CSMD1: variants seen among roughly 807,000 people sequenced by gnomAD.
CSMD1 encodes CUB and sushi domain-containing protein 1.
In CSMD1, 213 loss-of-function variants were observed where a neutral mutation model predicts 417.5. That is an observed-to-expected ratio of 0.51 (90% CI 0.46 to 0.57). The LOEUF (loss-of-function observed/expected upper bound fraction) is 0.57, where lower values mean the gene tolerates loss of function less well. CSMD1 is among the 20% of genes least tolerant of loss of function. CSMD1 has a pLI of 0.00. For synonymous variants in CSMD1, 2,862 were observed against 1,736.8 expected (o/e 1.65, Z -16.11); for missense variants, 6,923 against 4,529.7 (o/e 1.53, Z -15.17).
intron 68 of CSMD1, among the ~76,000 whole-genome samples, chr8:2,948,893 T>G (rs2128917915): frequency 6.6e-6 from 1 of 152,072 alleles, no homozygotes. Context: ...TCATCTTTGT[T>G]ACTATATAAA....
intron 3 of CSMD1, among the ~76,000 whole-genome samples, chr8:4,240,628 AT>A: frequency 6.6e-6 from 1 of 152,262 alleles, no homozygotes; most frequent in Non-Finnish European, 1.5e-5. Context: ...ATCCAATCTC[AT>A]TCCCAGTGCC....
At chr8:4,175,398 C>T (rs575309524) in intron 3 of CSMD1, among the ~76,000 whole-genome samples, 5 of 152,202 alleles carry the variant, frequency 3.3e-5, no homozygotes, top group South Asian at 2.1e-4. Context: ...CTCTTACCTG[C>T]GCTATACTTT....
chr8:3,461,635 C>G (rs962700317), intron 12 of CSMD1, among the ~76,000 whole-genome samples: 1 of 152,202 alleles, frequency 6.6e-6, no homozygotes, highest in Non-Finnish European at 1.5e-5. Context: ...CCCTGTGGCC[C>G]AGCATCTTCC....
At chr8:3,983,357 C>G (rs1028686944) in intron 5 of CSMD1, among the ~76,000 whole-genome samples, 1 of 152,030 alleles carries the variant, frequency 6.6e-6, no homozygotes, top group African/African-American at 2.4e-5. Flanking sequence ...GTCTCCATCT[C>G]CTGACCTCGT....
At chr8:4,371,530 C>G (rs992762298) in intron 3 of CSMD1, among the ~76,000 whole-genome samples, 1 of 152,106 alleles carries the variant, frequency 6.6e-6, no homozygotes, top group Non-Finnish European at 1.5e-5. Flanking sequence ...TGCAAAGAGA[C>G]AATATCGTTA....
At chr8:4,543,391 C>T (rs910752566) in intron 2 of CSMD1, among the ~76,000 whole-genome samples, 4 of 152,072 alleles carry the variant, frequency 2.6e-5, no homozygotes, top group Non-Finnish European at 5.9e-5. Flanking sequence ...TGGAATTATA[C>T]AGTTTGTAGC....
At chr8:3,182,578 C>CTGTGTGTGTGTGTG (rs35090952) in intron 36 of CSMD1, among the ~76,000 whole-genome samples, 27 of 94,180 alleles carry the variant, frequency 2.9e-4, no homozygotes, top group Admixed American at 4.3e-4. Flanking sequence ...TTATAAGAAG[C>CTGTGTGTGTGTGTG]TGTGTGTGTG....
rs34060531 is a variant in CSMD1, at chr8:3,119,384, TAAAA to T, written c.6242-801_6242-798del. ...CATTGCAGTTTTTTTAGTCTTTTTCTAAAAAAAAAAAAAAAAAAAAAAAAAAAAC... is the reference window on the plus strand; with the variant it reads ...CATTGCAGTTTTTTTAGTCTTTTTCTAAAAAAAAAAAAAAAAAAAAAAAAC... On this transcript the variant is annotated intron_variant, in intron 41 of 69. Transcript: ENST00000635120. Among the ~76,000 whole-genome samples, 130 of 88,260 alleles carry T rather than the reference TAAAA, an allele frequency of 1.5e-3. 1 individual carries two copies. Among genetic ancestry groups the T allele is most frequent in the African/African-American group, 4.4e-3 (121 of 27,446 alleles). The allele number at this position is 88,260 out of a possible 152,430, so 57.9% of individuals were successfully genotyped here. A position where few individuals can be genotyped will look rare whatever the true frequency, so the allele number is the denominator to read the frequency against.
intron 14 of CSMD1, among the ~76,000 whole-genome samples, chr8:3,407,232 A>C (rs1027966061): frequency 1.3e-5 from 2 of 151,752 alleles, no homozygotes; most frequent in African/African-American, 2.4e-5. Flanking sequence ...AAATGGACAA[A>C]ACGATGGAAG....
intron 5 of CSMD1, among the ~76,000 whole-genome samples, chr8:3,825,625 G>C (rs1320544016): frequency 4.6e-5 from 7 of 152,130 alleles, no homozygotes; most frequent in African/African-American, 9.7e-5. Flanking sequence ...TTGGTTCTTA[G>C]GAAATAAAAG....
At chr8:4,818,333 T>A (rs976164320) in intron 1 of CSMD1, among the ~76,000 whole-genome samples, 21 of 152,282 alleles carry the variant, frequency 1.4e-4, no homozygotes, top group Non-Finnish European at 2.5e-4. Flanking sequence ...AAGTATAAAT[T>A]TGAGCATTGC....
chr8:3,290,535 CT>C (rs1393030454), intron 25 of CSMD1, among the ~76,000 whole-genome samples: 1 of 145,382 alleles, frequency 6.9e-6, no homozygotes, highest in Non-Finnish European at 1.5e-5. Context: ...TGAAGAGGTC[CT>C]TCACATCCCT....
chr8:3,454,274 AGT>A (rs1815956026), intron 12 of CSMD1, among the ~76,000 whole-genome samples: 2 of 152,128 alleles, frequency 1.3e-5, no homozygotes, highest in Non-Finnish European at 2.9e-5. Context: ...CCAATTTGCC[AGT>A]CTGTGTCTTT....
rs116313483 is a variant in CSMD1, at chr8:4,356,965, C to T, written c.415+62988G>A. On this transcript the variant is annotated intron_variant, in intron 3 of 69. Coordinates refer to ENST00000635120, the MANE Select transcript of CSMD1 (RefSeq NM_033225.6). ...GTGAAATATAATAGCAACTGAAAGA[C>T]TTTGCAGCTATGTGAATATGTGAAT... 1.6e-3 allele frequency among the ~76,000 whole-genome samples: 240 copies of T among 152,264 alleles called. 1 individual carries two copies. The highest frequency in any genetic ancestry group is 5.5e-3 in the African/African-American group (229 of 41,542).
chr8:4,028,188 C>G (rs1304867736), intron 4 of CSMD1, among the ~76,000 whole-genome samples: 1 of 152,136 alleles, frequency 6.6e-6, no homozygotes, highest in Non-Finnish European at 1.5e-5. Context: ...AGGAACTAGT[C>G]ATCATATGAA....
intron 57 of CSMD1, among the ~76,000 whole-genome samples, chr8:2,969,288 G>C (rs1804232364): frequency 6.6e-6 from 1 of 152,048 alleles, no homozygotes; most frequent in Non-Finnish European, 1.5e-5. Context: ...GTAAAGTGTA[G>C]CTTTATCATA....
chr8:4,667,416 G>T (rs926037995), intron 1 of CSMD1, among the ~76,000 whole-genome samples: 1 of 151,384 alleles, frequency 6.6e-6, no homozygotes, highest in Non-Finnish European at 1.5e-5. Flanking sequence ...GATTTGGATT[G>T]CATTGAATCC....
chr8:3,100,907 C>T (rs1459151614), intron 46 of CSMD1, among the ~76,000 whole-genome samples: 1 of 152,146 alleles, frequency 6.6e-6, no homozygotes, highest in East Asian at 1.9e-4. Flanking sequence ...GCCCCAGAGC[C>T]CTTGTGATGC....
At chr8:3,444,234 C>G (rs114564874) in intron 12 of CSMD1, among the ~76,000 whole-genome samples, 1 of 152,268 alleles carries the variant, frequency 6.6e-6, no homozygotes, top group East Asian at 1.9e-4. Context: ...TGACTAATTT[C>G]AGGTTTGAAG....
Sources: gnomAD v4.1 joint callset for allele counts (sites outside exome capture counted in the v4.1 genomes callset) on GRCh38, gnomAD v4.1.1 for gene constraint, MANE v1.5 for transcripts, NCBI Gene and HGNC (gene_info 2026-07-23, HGNC 2026-07-21) for gene names.